AGAP1: variants seen among roughly 807,000 people sequenced by gnomAD.
The protein encoded by AGAP1 is arf-GAP with GTPase, ANK repeat and PH domain-containing protein 1.
AGAP1 carries 29 observed loss-of-function variants against 105.3 expected under a neutral mutation model. The observed-to-expected ratio is 0.28, with a 90% CI of 0.21 to 0.38. The LOEUF is 0.38. Among genes scored for constraint, AGAP1 ranks in the 10% least tolerant of loss-of-function variants. The pLI, the probability that AGAP1 is intolerant of heterozygous loss-of-function variation, is 1.00. For missense variants in AGAP1, 998 were observed against 1,165.1 expected (o/e 0.86, Z 2.09); for synonymous variants, 509 against 485.9 (o/e 1.05, Z -0.63).
chr2:235,518,447 T>C (rs1390261154), intron 1 of AGAP1, among the ~76,000 whole-genome samples: 1 of 152,210 alleles, frequency 6.6e-6, no homozygotes, highest in South Asian at 2.1e-4. Context: ...TCTGAGACTT[T>C]TTGTGATGAT....
At position 236,096,524 on chromosome 2, in the gene AGAP1, G is replaced by A. The variant is rs925342465; in HGVS notation, c.2115-23668G>A. 3.3e-5 allele frequency among the ~76,000 whole-genome samples: 5 copies of A among 151,418 alleles called. No homozygotes were observed. Among genetic ancestry groups the A allele is most frequent in the Admixed American group, 6.6e-5 (1 of 15,184 alleles). On this transcript the variant is annotated intron_variant, in intron 16 of 17. Transcript: ENST00000304032. The surrounding 1 kb of genome is among the most constrained non-coding windows in gnomAD (Gnocchi z 4.4). ...TCAAAAAAAAAAAAGCTTCTGGAAT[G>A]TCATCAGTTAGATGGAATGCCAGTG...
At chr2:235,506,518 C>CA (rs894231515) in intron 1 of AGAP1, among the ~76,000 whole-genome samples, 462 of 130,074 alleles carry the variant, frequency 3.6e-3, no homozygotes, top group Middle Eastern at 8.0e-3. Context: ...GATCTTGTCT[C>CA]AAAAAAAAAA....
At chr2:235,944,124 C>T (rs934026190) in intron 12 of AGAP1, among the ~76,000 whole-genome samples, 3 of 152,124 alleles carry the variant, frequency 2.0e-5, no homozygotes, top group African/African-American at 7.2e-5. Context: ...TAAAATCTTA[C>T]TATAGTTGCA....
intron 6 of AGAP1, among the ~76,000 whole-genome samples, chr2:235,794,254 A>G (rs867521605): frequency 2.0e-5 from 3 of 152,210 alleles, no homozygotes; most frequent in African/African-American, 7.2e-5. Flanking sequence ...TTTTAAAATT[A>G]TAGAGGAAGT....
At chr2:235,832,661 A>G (rs1022476056) in intron 9 of AGAP1, among the ~76,000 whole-genome samples, 1 of 152,232 alleles carries the variant, frequency 6.6e-6, no homozygotes, top group Non-Finnish European at 1.5e-5. Flanking sequence ...ATCCTGTGTC[A>G]GTGCTAATAA....
At chr2:235,920,439 C>T (rs557094837) in intron 11 of AGAP1, among the ~76,000 whole-genome samples, 4 of 152,262 alleles carry the variant, frequency 2.6e-5, no homozygotes, top group South Asian at 2.1e-4. Context: ...GTGCCCCAAG[C>T]GCAGGGTTGT....
At chr2:235,677,019 A>G (rs1948777410) in intron 1 of AGAP1, among the ~76,000 whole-genome samples, 1 of 152,212 alleles carries the variant, frequency 6.6e-6, no homozygotes, top group Admixed American at 6.5e-5. Context: ...ATTCAGCCCA[A>G]ATTAGAATCC....
chr2:235,770,585 C>T (rs987305436), intron 6 of AGAP1, among the ~76,000 whole-genome samples: 2 of 152,078 alleles, frequency 1.3e-5, no homozygotes, highest in East Asian at 3.9e-4. Flanking sequence ...TGGATATTCA[C>T]GCAATCATAA....
intron 9 of AGAP1, among the ~76,000 whole-genome samples, chr2:235,848,614 C>T (rs1248685162): frequency 1.3e-5 from 2 of 152,164 alleles, no homozygotes; most frequent in Non-Finnish European, 2.9e-5. Flanking sequence ...TTAGTTTGCT[C>T]GGAAGGTACT....
chr2:236,071,085 G>T (rs190056648), intron 16 of AGAP1, among the ~76,000 whole-genome samples: 1 of 152,246 alleles, frequency 6.6e-6, no homozygotes, highest in Admixed American at 6.5e-5. Flanking sequence ...GGAAGCCCAC[G>T]GCTTTGCCGG....
rs142012048 is a variant in AGAP1, at chr2:235,859,943, G to A, written c.1051-23402G>A. Among the ~76,000 whole-genome samples, 173 of 152,304 alleles carry A rather than the reference G, an allele frequency of 1.1e-3. 2 individuals carry two copies. The East Asian group carries it at 0.024, about 21-fold the overall frequency. ...CAAGCAGAGGTTGTATGGCCACTGCGAATGTCTCTTGTAAAGGAACTAGGC... is the reference window on the plus strand; with the variant it reads ...CAAGCAGAGGTTGTATGGCCACTGCAAATGTCTCTTGTAAAGGAACTAGGC... On this transcript the variant is annotated intron_variant, in intron 9 of 17. Transcript: ENST00000304032.
In AGAP1 at chr2:235,610,729, G is replaced by A. The variant is rs532294752; in HGVS notation, c.164-98450G>A. 7.9e-5 allele frequency among the ~76,000 whole-genome samples: 12 copies of A among 152,172 alleles called. No individual in the cohort carries two copies. The South Asian group carries it at 1.2e-3, about 16-fold the overall frequency. On this transcript the variant is annotated intron_variant, in intron 1 of 17. Coordinates refer to ENST00000304032, the MANE Select transcript of AGAP1 (RefSeq NM_001037131.3). This position sits in a 1 kb window ranked among gnomAD's most constrained non-coding sequence, Gnocchi z 4.9. ...CCATCCTCAAACGCACTGTGCTCCC[G>A]TGAGCTCCCTGCCCTGGAGTGGAAA...
intron 9 of AGAP1, among the ~76,000 whole-genome samples, chr2:235,833,101 G>A (rs1385259083): frequency 6.6e-6 from 1 of 152,076 alleles, no homozygotes; most frequent in Non-Finnish European, 1.5e-5. Flanking sequence ...AAGCCGGAGA[G>A]CAGCTGGCTC....
At chr2:235,593,010 G>A (rs187983918) in intron 1 of AGAP1, among the ~76,000 whole-genome samples, 4 of 152,318 alleles carry the variant, frequency 2.6e-5, no homozygotes, top group Non-Finnish European at 5.9e-5. Context: ...CTTCTGAAAT[G>A]AGCGTTAGGT....
chr2:235,508,595 A>C (rs1484710082), intron 1 of AGAP1, among the ~76,000 whole-genome samples: 1 of 152,214 alleles, frequency 6.6e-6, no homozygotes, highest in Non-Finnish European at 1.5e-5. Flanking sequence ...CACGGAGGCA[A>C]GCTGACTGCC....
At chr2:235,595,427 T>A (rs1364241973) in intron 1 of AGAP1, among the ~76,000 whole-genome samples, 1 of 152,212 alleles carries the variant, frequency 6.6e-6, no homozygotes, top group Non-Finnish European at 1.5e-5. Context: ...CTCAGCTTAC[T>A]CTCACTCCTG....
chr2:236,116,701 G>A (rs1248338354), intron 16 of AGAP1, among the ~76,000 whole-genome samples: 2 of 151,816 alleles, frequency 1.3e-5, no homozygotes. Flanking sequence ...CCCATCACCC[G>A]AGCACTATAT....
At position 235,753,002 on chromosome 2, in the gene AGAP1, G is replaced by A. The variant is rs1348489103; in HGVS notation, c.673+2514G>A. ...GCATAGTGGAGAACAGAGGACACAA[G>A]CCCTCGCCAGTCCCTTCCCATAAAG... On this transcript the variant is annotated intron_variant, in intron 6 of 17. Transcript: ENST00000304032. The surrounding 1 kb of genome is among the most constrained non-coding windows in gnomAD (Gnocchi z 4.5). Among the ~76,000 whole-genome samples the A allele has an allele frequency of 2.0e-5, 3 of 152,166 alleles. No homozygotes were observed. Among genetic ancestry groups the A allele is most frequent in the African/African-American group, 7.2e-5 (3 of 41,442 alleles).
At position 235,982,635 on chromosome 2, in the gene AGAP1, T is replaced by G. The variant is rs1421771100; in HGVS notation, c.1645+14012T>G. Among the ~76,000 whole-genome samples the G allele has an allele frequency of 1.3e-5, 2 of 152,230 alleles. No individual in the cohort carries two copies. Among genetic ancestry groups the G allele is most frequent in the Non-Finnish European group, 2.9e-5 (2 of 68,038 alleles). ...ACATAGAGAAGGTTTAGGCCCTGTT[T>G]CTTTTCGAGCAGCACAGAAATACTT... is the stretch of plus-strand genomic sequence containing the variant. On this transcript the variant is annotated intron_variant, in intron 13 of 17. Transcript: ENST00000304032. This position sits in a 1 kb window ranked among gnomAD's most constrained non-coding sequence, Gnocchi z 4.9.
Sources: gnomAD v4.1 joint callset for allele counts (sites outside exome capture counted in the v4.1 genomes callset) on GRCh38, gnomAD v4.1.1 for gene constraint, Gnocchi (gnomAD v3.1) non-coding constraint, MANE v1.5 for transcripts, NCBI Gene and HGNC (gene_info 2026-07-23, HGNC 2026-07-21) for gene names.